Variants in GYG2 observed in about 807,000 individuals in gnomAD.
GYG2 encodes glycogenin-2.
GYG2 carries 29 observed loss-of-function variants against 29.4 expected under a neutral mutation model. The ratio of observed to expected loss-of-function variants is 0.99; its 90% CI spans 0.74 to 1.35. The LOEUF is 1.35. GYG2 is among the 40% of genes most tolerant of loss of function. The pLI is 0.00. For synonymous variants in GYG2, 167 were observed against 172.3 expected, an observed-to-expected ratio of 0.97 and a Z score of 0.24; for missense variants, 370 against 385.7, an observed-to-expected ratio of 0.96 and a Z score of 0.34.
chrX:2,868,241 C>G (rs996927530), intron 8 of GYG2, among the ~76,000 whole-genome samples: 1 of 109,677 alleles, frequency 9.1e-6, no homozygotes, highest in African/African-American at 3.3e-5. Context: ...GGCACGGTGG[C>G]TCACACCTGT....
chrX:2,877,407 C>T (rs2088627931), intron 10 of GYG2, 100 bp downstream of exon 10: 1 of 1,109,791 alleles, frequency 9.0e-7, no homozygotes, highest in Non-Finnish European at 1.2e-6. Context: ...AATTTTTCAG[C>T]CTCATTTAAC....
intron 3 of GYG2, among the ~76,000 whole-genome samples, chrX:2,851,400 C>G (rs1341828010): frequency 9.0e-6 from 1 of 111,349 alleles, no homozygotes; most frequent in Non-Finnish European, 1.9e-5. Context: ...CCCGCCACCG[C>G]ACCCGGCTAG....
At position 2,859,937 on chromosome X, in the gene GYG2, G is replaced by C. The variant is rs1490074083; in HGVS notation, c.709G>C (p.Gly237Arg). 3 of 1,196,538 alleles carry C rather than the reference G, an allele frequency of 2.5e-6. No homozygotes were observed. The African/African-American group carries it at 5.3e-5, about 21-fold the overall frequency. The part of the protein sequence containing the change: ...NPQSGSVLEQ[G>R]SASSSQHQAA... ...ACAGAGTGGCTCGGTGTTGGAGCAAGGCTCAGCGTCCAGCAGCCAGCACCA... is the reference window on the plus strand; with the variant it reads ...ACAGAGTGGCTCGGTGTTGGAGCAACGCTCAGCGTCCAGCAGCCAGCACCA... Residue 237 changes from glycine to arginine, a missense_variant, in exon 7 of 11, where the codon GGC becomes CGC. By Grantham distance (125) the Gly-to-Arg change is moderately radical (BLOSUM62 -2). Transcript: ENST00000398806.
intron 2 of GYG2, among the ~76,000 whole-genome samples, chrX:2,830,538 G>T (rs1464640561): frequency 8.9e-6 from 1 of 112,364 alleles, no homozygotes; most frequent in Non-Finnish European, 1.9e-5. Context: ...GAAGAAGTCT[G>T]TTCTCCTGAA....
chrX:2,852,270 A>T (rs1241087832), intron 3 of GYG2, among the ~76,000 whole-genome samples: 1 of 111,567 alleles, frequency 9.0e-6, no homozygotes, highest in Admixed American at 9.6e-5. Flanking sequence ...AAGAAAACTT[A>T]TATTAGTGTA....
chrX:2,880,911 C>A, intron 10 of GYG2, 141 bp from the exon 11 acceptor site: 2 of 520,419 alleles, frequency 3.8e-6, no homozygotes, highest in Non-Finnish European at 6.4e-6. Flanking sequence ...TCATTAAAAA[C>A]AAAGTGCTAG....
intron 3 of GYG2, among the ~76,000 whole-genome samples, 200 bp downstream of exon 3, chrX:2,843,554 C>T (rs2087554247): frequency 8.9e-6 from 1 of 112,215 alleles, no homozygotes; most frequent in Admixed American, 9.5e-5. Context: ...ATCGGCTTCA[C>T]AATACTTTAA....
rs1392412284 is a variant in GYG2, at chrX:2,856,565, G to A, written c.555G>A (p.Leu185=). 2 of 1,199,918 alleles carry A rather than the reference G, an allele frequency of 1.7e-6. No individual in the cohort carries two copies. The highest frequency in any genetic ancestry group is 1.8e-5 in the African/African-American group (1 of 56,540). The part of the protein sequence containing the change: ...NWSTTDIHKH[L]PFIYNLSSNT... ...CGACCACAGACATCCACAAGCACCT[G>A]CCGTTCATCTATAACTTGAGTAGTA... The change falls in exon 6 of 11, where the codon CTG becomes CTA. Residue 185 remains leucine, a synonymous_variant. Coordinates refer to ENST00000398806, the MANE Select transcript of GYG2 (RefSeq NM_001079855.2).
intron 6 of GYG2, 84 bp downstream of exon 6, chrX:2,856,708 A>C (rs2087993520): frequency 1.3e-6 from 1 of 775,664 alleles, no homozygotes; most frequent in East Asian, 3.2e-5. Flanking sequence ...AGCTGTCGGC[A>C]TATTTAAAAA....
chrX:2,832,212 G>A (rs767575847), intron 2 of GYG2, among the ~76,000 whole-genome samples: 1 of 112,499 alleles, frequency 8.9e-6, no homozygotes, highest in Non-Finnish European at 1.9e-5. Flanking sequence ...TGGATGGGAA[G>A]CGGCTAACCT....
At chrX:2,863,163 C>T (rs1005127952) in intron 8 of GYG2, among the ~76,000 whole-genome samples, 2 of 109,313 alleles carry the variant, frequency 1.8e-5, no homozygotes, top group Non-Finnish European at 3.8e-5. Flanking sequence ...CAAGCTCTGC[C>T]TCCCGGGTTC....
Position 2,877,423 on chromosome X carries a change from A to G in GYG2, c.1251+116A>G, listed in dbSNP as rs1300054396. 14 of 1,102,894 alleles carry G rather than the reference A, an allele frequency of 1.3e-5. No individual in the cohort carries two copies. The South Asian group carries it at 2.1e-4, about 16-fold the overall frequency. The allele number at this position is 1,102,894 out of a possible 1,213,427, so 90.9% of individuals were successfully genotyped here. On this transcript the variant is annotated intron_variant, in intron 10 of 10. Transcript: ENST00000398806. ...ATTTTTCAGCCTCATTTAACAAAAA[A>G]TAAGAATCGGCTTCCCTCTTCCCCT...
intron 5 of GYG2, 147 bp downstream of exon 5, chrX:2,855,302 G>A (rs997180313): frequency 2.0e-6 from 1 of 505,587 alleles, no homozygotes; most frequent in Admixed American, 3.6e-5. Flanking sequence ...AAGTGATTTT[G>A]TCATTGTATG....
At chrX:2,861,440 A>G in intron 7 of GYG2, 82 bp from the exon 8 acceptor site, 1 of 721,416 alleles carries the variant, frequency 1.4e-6, no homozygotes, top group South Asian at 2.2e-5. Context: ...CTGGCTACAC[A>G]GGGCCCCACC....
At chrX:2,849,312 G>C (rs138403249) in intron 3 of GYG2, among the ~76,000 whole-genome samples, 1 of 111,114 alleles carries the variant, frequency 9.0e-6, no homozygotes, top group African/African-American at 3.3e-5. Flanking sequence ...TGAAGGAAGG[G>C]TACTTTTTCA....
chrX:2,872,069 G>A (rs2088484866), intron 8 of GYG2, among the ~76,000 whole-genome samples: 1 of 111,530 alleles, frequency 9.0e-6, no homozygotes, highest in South Asian at 3.8e-4. Flanking sequence ...CCCACACAGA[G>A]CATTTTGTTT....
intron 2 of GYG2, among the ~76,000 whole-genome samples, chrX:2,830,614 C>A (rs1173927580): frequency 8.9e-6 from 1 of 111,920 alleles, no homozygotes; most frequent in Non-Finnish European, 1.9e-5. Context: ...GTTTTAATTT[C>A]TGTTTCCAGT....
intron 6 of GYG2, among the ~76,000 whole-genome samples, chrX:2,856,861 A>G (rs755923304): frequency 3.7e-5 from 4 of 108,879 alleles, no homozygotes; most frequent in Non-Finnish European, 5.7e-5. Context: ...GTATAGATAG[A>G]TACCTATGTC....
rs2088717256 is a variant in GYG2, at chrX:2,881,315, A to T, written c.*102A>T. 1.5e-6 allele frequency: 1 copy of T among 686,452 alleles called. No individual in the cohort carries two copies. The highest frequency in any genetic ancestry group is 2.2e-5 in the African/African-American group (1 of 45,060). 56.6% of individuals were successfully genotyped at this position (686,452 alleles called of 1,213,427 possible). A position where few individuals can be genotyped will look rare whatever the true frequency, so the allele number is the denominator to read the frequency against. On this transcript the variant is annotated 3_prime_UTR_variant, in exon 11 of 11. Transcript: ENST00000398806. ...GTCCTTTCAAAGGGAAACGCTGTTG[A>T]ACCTTGTGCCTCTATTTATGCTTAA... is the stretch of plus-strand genomic sequence containing the variant.
Sources: allele counts gnomAD v4.1 joint callset (sites outside exome capture counted in the v4.1 genomes callset), GRCh38; gene constraint gnomAD v4.1.1; transcripts MANE v1.5; gene names NCBI Gene and HGNC (gene_info 2026-07-23, HGNC 2026-07-21).